Variants in SGCZ observed in about 807,000 individuals in gnomAD.
SGCZ encodes the protein sarcoglycan zeta.
SGCZ carries 40 observed loss-of-function variants against 41.3 expected under a neutral mutation model. The ratio of observed to expected loss-of-function variants is 0.97; its 90% CI spans 0.75 to 1.26. The LOEUF (loss-of-function observed/expected upper bound fraction) is 1.26. Ranked by LOEUF, SGCZ falls within the 50% of genes most tolerant of loss-of-function variation. The pLI is 0.00. For synonymous variants in SGCZ, 206 were observed against 137.5 expected (o/e 1.50, Z -3.49); for missense variants, 552 against 369.8 (o/e 1.49, Z -4.04).
chr8:14,258,690 G>A (rs151043429), intron 3 of SGCZ, among the ~76,000 whole-genome samples: 2 of 152,244 alleles, frequency 1.3e-5, no homozygotes, highest in South Asian at 2.1e-4. Flanking sequence ...TTAATGTAAT[G>A]GTCTTGTGAT....
chr8:14,650,176 C>A (rs983343159), intron 1 of SGCZ, among the ~76,000 whole-genome samples: 1 of 151,938 alleles, frequency 6.6e-6, no homozygotes, highest in Admixed American at 6.6e-5. Flanking sequence ...TGAAATCCCT[C>A]AAAACTACTG....
At chr8:14,361,244 G>C (rs1441841197) in intron 2 of SGCZ, among the ~76,000 whole-genome samples, 1 of 152,132 alleles carries the variant, frequency 6.6e-6, no homozygotes, top group Non-Finnish European at 1.5e-5. Context: ...TGCTAGGTTG[G>C]TAAAGTTCTC....
intron 1 of SGCZ, among the ~76,000 whole-genome samples, chr8:14,974,077 C>T (rs1235230281): frequency 6.6e-6 from 1 of 152,142 alleles, no homozygotes; most frequent in East Asian, 1.9e-4. Flanking sequence ...TTATCGAATG[C>T]TTGAGCAAAT....
chr8:14,752,296 C>T (rs894437319), intron 1 of SGCZ, among the ~76,000 whole-genome samples: 1 of 152,102 alleles, frequency 6.6e-6, no homozygotes, highest in African/African-American at 2.4e-5. Flanking sequence ...AGTGTTATTT[C>T]CACTAGCTAT....
At chr8:14,158,770 C>A (rs1803953932) in intron 5 of SGCZ, among the ~76,000 whole-genome samples, 1 of 152,030 alleles carries the variant, frequency 6.6e-6, no homozygotes, top group South Asian at 2.1e-4. Context: ...ATATAGTTTT[C>A]TATGTTTGCT....
At chr8:14,209,767 G>C (rs1384658460) in intron 4 of SGCZ, among the ~76,000 whole-genome samples, 1 of 152,028 alleles carries the variant, frequency 6.6e-6, no homozygotes, top group African/African-American at 2.4e-5. Context: ...AAGTAAACGA[G>C]AGCTGGGATC....
chr8:15,031,182 G>T lies in SGCZ; in HGVS notation c.39+206403C>A, dbSNP rs555886770. ...GGATGCTATGGCACTTTTATTCTTA[G>T]TGCATAATGTTATTAATTTTAAAAA... On this transcript the variant is annotated intron_variant, in intron 1 of 7. Coordinates refer to ENST00000382080, the MANE Select transcript of SGCZ (RefSeq NM_139167.4). Among the ~76,000 whole-genome samples the T allele has an allele frequency of 5.3e-5, 8 of 152,140 alleles. No individual in the cohort carries two copies. The South Asian group carries it at 1.7e-3, about 32-fold the overall frequency.
intron 1 of SGCZ, among the ~76,000 whole-genome samples, chr8:15,185,063 G>A (rs1173570883): frequency 2.0e-5 from 3 of 152,128 alleles, no homozygotes; most frequent in Admixed American, 2.0e-4. Context: ...CTACATACAA[G>A]GTGGAAAATG....
At chr8:15,214,123 GA>G (rs932049131) in intron 1 of SGCZ, among the ~76,000 whole-genome samples, 55 of 151,198 alleles carry the variant, frequency 3.6e-4, no homozygotes, top group African/African-American at 1.3e-3. Flanking sequence ...TCAGCCATGT[GA>G]AAAAAAACAT....
chr8:14,306,014 C>T (rs371084278), intron 3 of SGCZ, among the ~76,000 whole-genome samples: 9 of 152,228 alleles, frequency 5.9e-5, no homozygotes, highest in East Asian at 3.9e-4. Flanking sequence ...GGTTATTCAG[C>T]CCCAGGTCAC....
At chr8:14,712,295 T>C (rs1809545887) in intron 1 of SGCZ, among the ~76,000 whole-genome samples, 1 of 152,216 alleles carries the variant, frequency 6.6e-6, no homozygotes, top group African/African-American at 2.4e-5. Flanking sequence ...CGCTGCCTGG[T>C]TGATGAAATG....
At chr8:14,763,019 C>T (rs1393880229) in intron 1 of SGCZ, among the ~76,000 whole-genome samples, 1 of 152,130 alleles carries the variant, frequency 6.6e-6, no homozygotes, top group Non-Finnish European at 1.5e-5. Context: ...TAGCTTAGTA[C>T]ATAAATATCA....
chr8:14,754,869 G>A, intron 1 of SGCZ, among the ~76,000 whole-genome samples: 1 of 152,084 alleles, frequency 6.6e-6, no homozygotes, highest in South Asian at 2.1e-4. Flanking sequence ...CTATAGGTGT[G>A]CACCACCACA....
chr8:14,132,615 GA>G (rs1451444784), intron 5 of SGCZ, among the ~76,000 whole-genome samples: 1 of 151,962 alleles, frequency 6.6e-6, no homozygotes, highest in Non-Finnish European at 1.5e-5. Context: ...TTAGCTACTT[GA>G]ACATATTTTA....
At chr8:14,095,820 T>A (rs956003651) in intron 7 of SGCZ, among the ~76,000 whole-genome samples, 15 of 152,184 alleles carry the variant, frequency 9.9e-5, no homozygotes, top group Non-Finnish European at 2.1e-4. Context: ...GTGCTTCACA[T>A]CCCTTGTAAG....
chr8:14,578,118 G>A (rs1804772407), intron 1 of SGCZ, among the ~76,000 whole-genome samples: 1 of 152,160 alleles, frequency 6.6e-6, no homozygotes, highest in Non-Finnish European at 1.5e-5. Context: ...TTGGGTGAAG[G>A]CAGAGGGGAG....
chr8:15,014,301 G>A (rs1802942939), intron 1 of SGCZ, among the ~76,000 whole-genome samples: 1 of 152,202 alleles, frequency 6.6e-6, no homozygotes, highest in Non-Finnish European at 1.5e-5. Context: ...TGGGCGTGGT[G>A]TCAGCCCCCC....
chr8:14,327,005 T>C (rs1017703247), intron 2 of SGCZ, among the ~76,000 whole-genome samples: 1 of 152,074 alleles, frequency 6.6e-6, no homozygotes, highest in African/African-American at 2.4e-5. Flanking sequence ...AAAAAATAGA[T>C]GTTTTCAAAT....
intron 1 of SGCZ, among the ~76,000 whole-genome samples, chr8:14,753,755 C>A (rs1799570118): frequency 6.6e-6 from 1 of 152,158 alleles, no homozygotes; most frequent in South Asian, 2.1e-4. Context: ...TGAGCTCTTT[C>A]CCTTGATCTC....
Sources: allele counts gnomAD v4.1 joint callset (sites outside exome capture counted in the v4.1 genomes callset), GRCh38; gene constraint gnomAD v4.1.1; transcripts MANE v1.5; gene names NCBI Gene and HGNC (gene_info 2026-07-23, HGNC 2026-07-21).